The following SH3BP2 variants were observed in gnomAD, a reference collection of about 807,000 sequenced individuals.
SH3BP2 encodes the protein SH3 domain binding protein 2.
Under a neutral mutation model 56.2 loss-of-function variants are expected in SH3BP2, and 38 were observed. That is an observed-to-expected ratio of 0.68 (90% confidence interval 0.52 to 0.89). The LOEUF is 0.89. Ranked by LOEUF, SH3BP2 falls within the 40% of genes least tolerant of loss-of-function variation. SH3BP2 has a pLI of 0.00. For missense variants in SH3BP2, 748 were observed against 762.6 expected (o/e 0.98, Z 0.23); for synonymous variants, 346 against 316.7 (o/e 1.09, Z -0.98).
intron 1 of SH3BP2, among the ~76,000 whole-genome samples, chr4:2,819,412 A>T (rs900277244): frequency 2.0e-5 from 3 of 152,084 alleles, no homozygotes; most frequent in African/African-American, 4.8e-5. Flanking sequence ...TTTTTTAGAG[A>T]TAGGGTCTTG....
intron 1 of SH3BP2, among the ~76,000 whole-genome samples, chr4:2,800,549 G>GCCC (rs34241051): frequency 2.6e-4 from 38 of 148,370 alleles, no homozygotes; most frequent in Non-Finnish European, 4.6e-4. Flanking sequence ...TCCTGTGACC[G>GCCC]CCCCCCCCCC....
chr4:2,820,605 T>C lies in SH3BP2; in HGVS notation c.-4-9T>C. ...TAGCTGAGCCACGTGCCTTTGTCCTTTATTGCAGCTTCATGGCGGCTGAAG... is the reference window on the plus strand; with the variant it reads ...TAGCTGAGCCACGTGCCTTTGTCCTCTATTGCAGCTTCATGGCGGCTGAAG... On this transcript the variant is annotated splice_polypyrimidine_tract_variant and intron_variant, in intron 1 of 12. Coordinates refer to ENST00000503393, the MANE Select transcript of SH3BP2 (RefSeq NM_001122681.2). The C allele has an allele frequency of 6.2e-7, 1 of 1,614,122 alleles. No individual in the cohort carries two copies. Among genetic ancestry groups the C allele is most frequent in the South Asian group, 1.1e-5 (1 of 91,088 alleles).
intron 1 of SH3BP2, among the ~76,000 whole-genome samples, chr4:2,803,026 C>G (rs745321043): frequency 6.6e-6 from 1 of 152,214 alleles, no homozygotes; most frequent in African/African-American, 2.4e-5. Context: ...GGGCTGAGCC[C>G]GAGGTGTGTG....
Position 2,827,673 on chromosome 4 carries a change from G to A in SH3BP2, c.585G>A (p.Glu195=), listed in dbSNP as rs200156713. The A allele has an allele frequency of 4.4e-4, 700 of 1,583,636 alleles. 1 individual carries two copies. The highest frequency in any genetic ancestry group is 5.8e-4 in the Non-Finnish European group (679 of 1,164,060). ...ACTCCCCGGAGCCCGGAAGGCTTGA[G>A]GGTAGGTGGGGCGGGTGGGCCCGGG... The part of the protein sequence containing the change: ...EPDSPEPGRL[E]DALMHPPAYP... Residue 195 remains glutamate (E), a splice_region_variant and synonymous_variant, in exon 7 of 13, where the codon GAG becomes GAA. Transcript: ENST00000503393.
intron 1 of SH3BP2, among the ~76,000 whole-genome samples, chr4:2,805,244 G>T (rs1335118221): frequency 1.3e-5 from 2 of 152,192 alleles, no homozygotes; most frequent in Non-Finnish European, 1.5e-5. Flanking sequence ...TGTGGGCGTG[G>T]GGTGTCCCGG....
In SH3BP2 at chr4:2,835,942, T is replaced by G. The variant is rs900932305; in HGVS notation, c.*2108T>G. On this transcript the variant is annotated 3_prime_UTR_variant, in exon 13 of 13. Transcript: ENST00000503393. Reference sequence around the variant, plus strand: ...TGCCTGGCCCCTTCCTGTAAAATTTTTAAATGGAGAATTGGGTGCGAGATG... The same window carrying G: ...TGCCTGGCCCCTTCCTGTAAAATTTGTAAATGGAGAATTGGGTGCGAGATG... 1.3e-5 allele frequency: 2 copies of G among 152,628 alleles called. No homozygotes were observed. The highest frequency in any genetic ancestry group is 2.9e-5 in the Non-Finnish European group (2 of 68,430). The allele number at this position is 152,628 out of a possible 1,614,324, so 9.5% of individuals were successfully genotyped here.
intron 7 of SH3BP2, 22 bp downstream of exon 7, chr4:2,827,696 G>A (rs772662426): frequency 1.3e-5 from 20 of 1,500,216 alleles, no homozygotes; most frequent in African/African-American, 2.8e-5. Flanking sequence ...GGGTGGGCCC[G>A]GGGAGCTCTG....
At chr4:2,793,729 C>T (rs1178113865) in intron 1 of SH3BP2, 2 of 152,180 alleles carry the variant, frequency 1.3e-5, no homozygotes, top group East Asian at 3.9e-4. Flanking sequence ...CAAGAAAAGC[C>T]GCCCACTGGC....
At chr4:2,812,338 G>C (rs1013109649) in intron 1 of SH3BP2, 2 of 1,549,922 alleles carry the variant, frequency 1.3e-6, no homozygotes, top group Non-Finnish European at 1.7e-6. Context: ...GCAGCCAGGC[G>C]CGTCAGGCCT....
intron 1 of SH3BP2, among the ~76,000 whole-genome samples, chr4:2,800,558 C>A (rs1378656523): frequency 6.6e-6 from 1 of 152,050 alleles, no homozygotes; most frequent in Non-Finnish European, 1.5e-5. Context: ...CGCCCCCCCC[C>A]CGGGCTGATG....
intron 1 of SH3BP2, among the ~76,000 whole-genome samples, chr4:2,813,285 C>CGGG (rs1162393747): frequency 6.6e-6 from 1 of 152,178 alleles, no homozygotes; most frequent in African/African-American, 2.4e-5. Context: ...TGTGCTGGGC[C>CGGG]GGGGGTGGTG....
At position 2,839,548 on chromosome 4, in the gene SH3BP2, A is replaced by T. The variant is rs753618505; in HGVS notation, c.*5714A>T. The stretch of plus-strand genomic sequence containing the variant: ...AAATATCTTCTCTAACTCTGGCTTG[A>T]CTGTTTATGGTGTCCTTTTTTTTTG... On this transcript the variant is annotated 3_prime_UTR_variant, in exon 13 of 13. Transcript: ENST00000503393. 2 of 151,464 alleles carry T rather than the reference A, an allele frequency of 1.3e-5. No individual in the cohort carries two copies. Among genetic ancestry groups the T allele is most frequent in the Non-Finnish European group, 2.9e-5 (2 of 67,924 alleles). The allele number at this position is 151,464 out of a possible 1,614,324, so 9.4% of individuals were successfully genotyped here.
rs1725341950 is a variant in SH3BP2 at position 2,839,356 on chromosome 4, A to G, written c.*5522A>G. The G allele has an allele frequency of 6.6e-6, 1 of 151,836 alleles. No homozygotes were observed. Among genetic ancestry groups the G allele is most frequent in the Non-Finnish European group, 1.5e-5 (1 of 67,982 alleles). 9.4% of individuals were successfully genotyped at this position (151,836 alleles called of 1,614,324 possible). On this transcript the variant is annotated 3_prime_UTR_variant, in exon 13 of 13. Coordinates refer to ENST00000503393, the MANE Select transcript of SH3BP2 (RefSeq NM_001122681.2). ...GCTAATTTTTTGTATTTTTAAGTAG[A>G]GACGGGTTTCATCATGTTATGCAGG... is the stretch of plus-strand genomic sequence containing the variant.
intron 1 of SH3BP2, chr4:2,793,855 C>T (rs1722976603): frequency 6.6e-6 from 1 of 152,284 alleles, no homozygotes; most frequent in Non-Finnish European, 1.5e-5. Flanking sequence ...GGGGACAGCC[C>T]CTTCCACCTG....
At chr4:2,833,247 C>T in intron 12 of SH3BP2, 198 bp downstream of exon 12, 1 of 650,620 alleles carries the variant, frequency 1.5e-6, no homozygotes, top group Non-Finnish European at 2.8e-6. Context: ...CTACCTTTGT[C>T]CTCCACTGAC....
At chr4:2,827,892 G>A (rs1031151057) in intron 7 of SH3BP2, among the ~76,000 whole-genome samples, 1 of 152,190 alleles carries the variant, frequency 6.6e-6, no homozygotes, top group Non-Finnish European at 1.5e-5. Flanking sequence ...CCAGGAGGAG[G>A]GACAGGCACA....
Position 2,822,303 on chromosome 4 carries a change from A to T in SH3BP2, c.137-632A>T, listed in dbSNP as rs535502796. Among the ~76,000 whole-genome samples, 3 of 152,312 alleles carry T rather than the reference A, an allele frequency of 2.0e-5. No homozygotes were observed. The East Asian group carries it at 5.8e-4, about 29-fold the overall frequency. The stretch of plus-strand genomic sequence containing the variant: ...CCCAAGTAGCTGGAACTACAGATGT[A>T]TGCCACCGTGTCCGGCTAAGTTTTG... On this transcript the variant is annotated intron_variant, in intron 2 of 12. Coordinates refer to ENST00000503393, the MANE Select transcript of SH3BP2 (RefSeq NM_001122681.2).
chr4:2,824,840 C>G, intron 4 of SH3BP2, 110 bp downstream of exon 4: 1 of 871,082 alleles, frequency 1.1e-6, no homozygotes, highest in Non-Finnish European at 1.9e-6. Context: ...GGCCTCTCAG[C>G]CCCGGGCAAA....
In SH3BP2 at chr4:2,831,537, A is replaced by G; in HGVS notation, c.1242-34A>G. The G allele has an allele frequency of 6.6e-7, 1 of 1,514,208 alleles. No individual in the cohort carries two copies. The highest frequency in any genetic ancestry group is 9.0e-7 in the Non-Finnish European group (1 of 1,112,182). The allele number at this position is 1,514,208 out of a possible 1,614,324, so 93.8% of individuals were successfully genotyped here. A position where few individuals can be genotyped will look rare whatever the true frequency, so the allele number is the denominator to read the frequency against. On this transcript the variant is annotated intron_variant, in intron 8 of 12. Coordinates refer to ENST00000503393, the MANE Select transcript of SH3BP2 (RefSeq NM_001122681.2). The surrounding 1 kb of genome is among the most constrained non-coding windows in gnomAD (Gnocchi z 4.1). ...GGTGGCCGCCCCGTGTCTGACAGTG[A>G]AATGGTCCTGCCTTCCTCTCCCTGC...
Sources: allele counts gnomAD v4.1 joint callset (sites outside exome capture counted in the v4.1 genomes callset), GRCh38; gene constraint gnomAD v4.1.1; non-coding constraint Gnocchi (gnomAD v3.1); transcripts MANE v1.5; gene names NCBI Gene and HGNC (gene_info 2026-07-23, HGNC 2026-07-21).